Variants in TCERG1L observed in about 807,000 individuals in gnomAD.
TCERG1L encodes transcription elongation regulator 1 like, also known as transcription elongation regulator 1-like protein.
TCERG1L carries 37 observed loss-of-function variants against 56.3 expected under a neutral mutation model. The observed-to-expected ratio is 0.66, with a 90% CI of 0.51 to 0.87. TCERG1L has a LOEUF of 0.87. TCERG1L is among the 40% of genes least tolerant of loss of function. The pLI is 0.00. For missense variants in TCERG1L, 799 were observed against 774.2 expected (o/e 1.03, Z -0.38); for synonymous variants, 324 against 326.3 (o/e 0.99, Z 0.08).
In TCERG1L at chr10:131,281,455, G is replaced by A. The variant is rs1846452325; in HGVS notation, c.671-21011C>T. Among the ~76,000 whole-genome samples, 3 of 152,242 alleles carry A rather than the reference G, an allele frequency of 2.0e-5. No homozygotes were observed. In the South Asian group the frequency reaches 6.2e-4, roughly 32 times the overall value. On this transcript the variant is annotated intron_variant, in intron 3 of 11. Coordinates refer to ENST00000368642, the MANE Select transcript of TCERG1L (RefSeq NM_174937.4). The stretch of plus-strand genomic sequence containing the variant: ...AAAGACAATGCTACCTGAAATGAAT[G>A]CTTACTTTCCTCAAGAGTGAGCACC...
intron 4 of TCERG1L, among the ~76,000 whole-genome samples, chr10:131,175,576 A>G (rs1846139275): frequency 6.6e-6 from 1 of 152,256 alleles, no homozygotes. Context: ...ACGTGTGTTT[A>G]ATGAGTAAAT....
intron 4 of TCERG1L, among the ~76,000 whole-genome samples, chr10:131,193,103 G>A (rs1408472154): frequency 6.6e-6 from 1 of 152,178 alleles, no homozygotes; most frequent in Non-Finnish European, 1.5e-5. Flanking sequence ...TTTCTCTGAT[G>A]ACAAGTGATG....
At chr10:131,120,535 T>C (rs1845501948) in intron 8 of TCERG1L, among the ~76,000 whole-genome samples, 2 of 152,198 alleles carry the variant, frequency 1.3e-5, no homozygotes, top group Non-Finnish European at 2.9e-5. Context: ...CACCAAGTAG[T>C]TGTTGGCTCC....
chr10:131,276,446 A>G (rs1381649301), intron 3 of TCERG1L, among the ~76,000 whole-genome samples: 1 of 152,202 alleles, frequency 6.6e-6, no homozygotes, highest in Middle Eastern at 3.2e-3. Context: ...GCTGTTTATC[A>G]TCAGGCAGCT....
chr10:131,293,043 G>C lies in TCERG1L; in HGVS notation c.670+15168C>G, dbSNP rs184584839. On this transcript the variant is annotated intron_variant, in intron 3 of 11. Coordinates refer to ENST00000368642, the MANE Select transcript of TCERG1L (RefSeq NM_174937.4). ...TTTTTGTATTTTTAGTAGAGACAGC[G>C]TTTCGCCATGTTGGCCAGGCTGGTC... Among the ~76,000 whole-genome samples the C allele has an allele frequency of 8.5e-5, 13 of 152,116 alleles. No individual in the cohort carries two copies. The East Asian group carries it at 1.4e-3, about 16-fold the overall frequency.
chr10:131,277,743 C>T (rs1393617105), intron 3 of TCERG1L, among the ~76,000 whole-genome samples: 3 of 152,124 alleles, frequency 2.0e-5, no homozygotes, highest in African/African-American at 4.8e-5. Context: ...CAGGTCTCAG[C>T]GCAGATCTCA....
rs1199789388 is a variant in TCERG1L at position 131,092,779 on chromosome 10, A to G, written c.*383T>C. On this transcript the variant is annotated 3_prime_UTR_variant, in exon 12 of 12. Transcript: ENST00000368642. ...ATCCTGGAGAAACGAAGTAATTCAC[A>G]AAGGTTTTCAGAAAAGTTTTCGCCA... 6.1e-6 allele frequency: 1 copy of G among 163,698 alleles called. No homozygotes were observed. The highest frequency in any genetic ancestry group is 1.3e-5 in the Non-Finnish European group (1 of 75,636). The allele number at this position is 163,698 out of a possible 1,614,324, so 10.1% of individuals were successfully genotyped here.
chr10:131,202,030 TC>T (rs1353605104), intron 4 of TCERG1L, among the ~76,000 whole-genome samples: 1 of 152,180 alleles, frequency 6.6e-6, no homozygotes, highest in Non-Finnish European at 1.5e-5. Flanking sequence ...TTAGGAAAGG[TC>T]CCATGGACAG....
At chr10:131,157,836 T>C (rs1845939586) in intron 6 of TCERG1L, among the ~76,000 whole-genome samples, 1 of 152,234 alleles carries the variant, frequency 6.6e-6, no homozygotes, top group South Asian at 2.1e-4. Flanking sequence ...GGACACGGTA[T>C]CCTTGAAAGT....
chr10:131,114,093 GT>G (rs1192171242), intron 9 of TCERG1L, among the ~76,000 whole-genome samples: 2 of 142,154 alleles, frequency 1.4e-5, no homozygotes, highest in African/African-American at 2.5e-5. Flanking sequence ...CACAATCCCC[GT>G]GGCAGGGCCC....
At position 131,150,942 on chromosome 10, in the gene TCERG1L, A is replaced by C. The variant is rs372007702; in HGVS notation, c.1035-4282T>G. On this transcript the variant is annotated intron_variant, in intron 6 of 11. Coordinates refer to ENST00000368642, the MANE Select transcript of TCERG1L (RefSeq NM_174937.4). ...AGCAGGAGAGAGAATGAGTGCCAGC[A>C]GGGGAAGTGCCAGACTCTTATAAAA... Among the ~76,000 whole-genome samples the C allele has an allele frequency of 2.6e-5, 4 of 152,338 alleles. No individual in the cohort carries two copies. The East Asian group carries it at 7.7e-4, about 29-fold the overall frequency.
chr10:131,141,254 T>C (rs1845735750), intron 7 of TCERG1L, among the ~76,000 whole-genome samples: 1 of 152,168 alleles, frequency 6.6e-6, no homozygotes, highest in African/African-American at 2.4e-5. Context: ...TCTTTGAGGC[T>C]CACTGTCCCC....
At chr10:131,175,247 G>A (rs1027740142) in intron 4 of TCERG1L, among the ~76,000 whole-genome samples, 6 of 152,206 alleles carry the variant, frequency 3.9e-5, no homozygotes, top group Non-Finnish European at 8.8e-5. Context: ...GGGATCCGAG[G>A]GTAAAAGGAG....
chr10:131,270,202 G>C (rs1846326582), intron 3 of TCERG1L, among the ~76,000 whole-genome samples: 1 of 152,198 alleles, frequency 6.6e-6, no homozygotes, highest in African/African-American at 2.4e-5. Context: ...CAGGCAAACA[G>C]AAGAGTGCCT....
intron 4 of TCERG1L, among the ~76,000 whole-genome samples, chr10:131,194,448 G>C (rs1589743426): frequency 1.3e-5 from 2 of 152,202 alleles, no homozygotes; most frequent in African/African-American, 4.8e-5. Flanking sequence ...AGAATTAGAG[G>C]GCCCTTTTGT....
intron 4 of TCERG1L, among the ~76,000 whole-genome samples, chr10:131,232,885 G>A (rs1845867445): frequency 6.6e-6 from 1 of 152,178 alleles, no homozygotes; most frequent in Non-Finnish European, 1.5e-5. Flanking sequence ...GGTGTGGTCA[G>A]CATTCTGTTA....
intron 9 of TCERG1L, among the ~76,000 whole-genome samples, chr10:131,107,133 T>G (rs1337572436): frequency 6.6e-6 from 1 of 152,022 alleles, no homozygotes; most frequent in Non-Finnish European, 1.5e-5. Flanking sequence ...CTTTGACTAG[T>G]GCACCTGCCC....
At chr10:131,117,948 C>A (rs912734068) in intron 8 of TCERG1L, among the ~76,000 whole-genome samples, 32 of 152,252 alleles carry the variant, frequency 2.1e-4, no homozygotes, top group African/African-American at 7.2e-4. Context: ...TCCTCCCAAC[C>A]CTGGCCCTGC....
Position 131,308,396 on chromosome 10 carries a change from C to T in TCERG1L, c.490-5G>A, listed in dbSNP as rs531664163. Reference sequence around the variant, plus strand: ...AAAGGAATTATTAAAAAAGATCTGTCGAAAAATAATGCAAGCATAACACTG... The same window carrying T: ...AAAGGAATTATTAAAAAAGATCTGTTGAAAAATAATGCAAGCATAACACTG... On this transcript the variant is annotated splice_region_variant and splice_polypyrimidine_tract_variant and intron_variant, in intron 2 of 11. Transcript: ENST00000368642. 235 of 1,611,156 alleles carry T rather than the reference C, an allele frequency of 1.5e-4. 2 individuals are homozygous for T. In the South Asian group the frequency reaches 2.3e-3, roughly 16 times the overall value.
Sources: gnomAD v4.1 joint callset for allele counts (sites outside exome capture counted in the v4.1 genomes callset) on GRCh38, gnomAD v4.1.1 for gene constraint, MANE v1.5 for transcripts, NCBI Gene and HGNC (gene_info 2026-07-23, HGNC 2026-07-21) for gene names.